NOL4: variants seen among roughly 807,000 people sequenced by gnomAD.
The protein encoded by NOL4 is cancer/testis antigen 125.
NOL4 carries 17 observed loss-of-function variants against 75.9 expected under a neutral mutation model. The ratio of observed to expected loss-of-function variants is 0.22; its 90% confidence interval spans 0.15 to 0.34. The LOEUF (loss-of-function observed/expected upper bound fraction) is 0.34. NOL4 is among the 10% of genes least tolerant of loss of function. The probability of loss-of-function intolerance (pLI) is 1.00; values close to 1 mark genes in which losing one functional copy is unlikely to be tolerated. For missense variants in NOL4, 614 were observed against 793.5 expected (o/e 0.77, Z 2.72); for synonymous variants, 292 against 289.9 (o/e 1.01, Z -0.07).
chr18:33,893,041 G>A (rs977389557), intron 9 of NOL4, among the ~76,000 whole-genome samples: 8 of 151,876 alleles, frequency 5.3e-5, no homozygotes, highest in African/African-American at 1.9e-4. Flanking sequence ...AATTGAATCA[G>A]TGAATGACCA....
At chr18:34,215,291 T>C (rs2036806284) in intron 1 of NOL4, among the ~76,000 whole-genome samples, 1 of 152,242 alleles carries the variant, frequency 6.6e-6, no homozygotes, top group Non-Finnish European at 1.5e-5. Flanking sequence ...TGTCCCATTA[T>C]GTCATGTCAG....
intron 1 of NOL4, among the ~76,000 whole-genome samples, chr18:34,143,498 AT>A (rs1007569748): frequency 6.6e-6 from 1 of 152,042 alleles, no homozygotes; most frequent in Non-Finnish European, 1.5e-5. Flanking sequence ...TTTTCTCAAT[AT>A]TTTTTTGTAA....
chr18:34,034,763 A>G (rs1232610805), intron 5 of NOL4, among the ~76,000 whole-genome samples: 3 of 151,414 alleles, frequency 2.0e-5, no homozygotes, highest in Admixed American at 1.3e-4. Context: ...AAAAAGCAAC[A>G]ATAAACAATC....
chr18:33,925,494 GAC>G, intron 9 of NOL4, among the ~76,000 whole-genome samples: 1 of 152,244 alleles, frequency 6.6e-6, no homozygotes, highest in East Asian at 1.9e-4. Context: ...AAAAAATCCT[GAC>G]AGATTCATTG....
At chr18:34,127,395 G>A (rs971724483) in intron 2 of NOL4, among the ~76,000 whole-genome samples, 1 of 151,790 alleles carries the variant, frequency 6.6e-6, no homozygotes, top group Non-Finnish European at 1.5e-5. Flanking sequence ...TGGTTTCTTG[G>A]CCATGTAGGA....
intron 2 of NOL4, among the ~76,000 whole-genome samples, chr18:34,119,987 G>A (rs2080062722): frequency 6.6e-6 from 1 of 152,112 alleles, no homozygotes; most frequent in South Asian, 2.1e-4. Flanking sequence ...TTGAATTCTA[G>A]ATAAACATAC....
At chr18:34,128,770 C>T (rs1465088574) in intron 2 of NOL4, 2 of 443,632 alleles carry the variant, frequency 4.5e-6, no homozygotes, top group South Asian at 1.9e-4. Context: ...TTCAATATGA[C>T]CCTGGAAATA....
At chr18:33,943,754 C>T (rs1177492850) in intron 8 of NOL4, among the ~76,000 whole-genome samples, 2 of 151,702 alleles carry the variant, frequency 1.3e-5, no homozygotes, top group Admixed American at 6.6e-5. Context: ...AGGTTTAGTG[C>T]TTTAGATGTG....
chr18:34,086,229 G>A (rs185296582), intron 5 of NOL4, among the ~76,000 whole-genome samples: 1 of 152,050 alleles, frequency 6.6e-6, no homozygotes, highest in African/African-American at 2.4e-5. Flanking sequence ...AAAAGTGAGA[G>A]TAAAAACACT....
At chr18:34,185,571 C>T (rs2034396838) in intron 1 of NOL4, among the ~76,000 whole-genome samples, 1 of 152,048 alleles carries the variant, frequency 6.6e-6, no homozygotes, top group Non-Finnish European at 1.5e-5. Context: ...TGTACAATTT[C>T]ACAAAGGGGA....
intron 1 of NOL4, among the ~76,000 whole-genome samples, chr18:34,140,901 C>A (rs2081123394): frequency 6.6e-6 from 1 of 152,002 alleles, no homozygotes; most frequent in South Asian, 2.1e-4. Flanking sequence ...TCAGCATTTG[C>A]TTGTCTAACA....
chr18:33,877,437 T>TAAAAAA (rs35251455), intron 10 of NOL4, among the ~76,000 whole-genome samples: 2 of 106,240 alleles, frequency 1.9e-5, no homozygotes, highest in Non-Finnish European at 3.8e-5. Flanking sequence ...GACCTTGCCT[T>TAAAAAA]AAAAAAAAAA....
intron 1 of NOL4, among the ~76,000 whole-genome samples, chr18:34,147,742 G>A (rs1196135659): frequency 1.3e-5 from 2 of 152,176 alleles, no homozygotes; most frequent in East Asian, 3.9e-4. Context: ...AAATGAGTTA[G>A]GGAAGATTTC....
intron 1 of NOL4, among the ~76,000 whole-genome samples, chr18:34,182,447 G>C (rs2034118641): frequency 6.6e-6 from 1 of 151,504 alleles, no homozygotes; most frequent in Non-Finnish European, 1.5e-5. Flanking sequence ...ATTTTTTTCT[G>C]GAATGAAGAA....
intron 9 of NOL4, among the ~76,000 whole-genome samples, chr18:33,929,020 T>A (rs866929350): frequency 7.9e-5 from 12 of 151,564 alleles, no homozygotes; most frequent in African/African-American, 2.7e-4. Context: ...GAGAGGTGAA[T>A]GGGAAAGTGA....
At position 33,999,224 on chromosome 18, in the gene NOL4, T is replaced by C. The variant is rs528929496; in HGVS notation, c.1056+20094A>G. On this transcript the variant is annotated intron_variant, in intron 6 of 10. Transcript: ENST00000261592. ...GCACAATCATAGTTTATTGGCTGTG[T>C]GCTCTAACTCCTGGGCTGGCTTAAT... is the stretch of plus-strand genomic sequence containing the variant. 2.0e-5 allele frequency among the ~76,000 whole-genome samples: 3 copies of C among 151,440 alleles called. No individual in the cohort carries two copies. In the South Asian group the frequency reaches 6.3e-4, roughly 32 times the overall value.
intron 5 of NOL4, among the ~76,000 whole-genome samples, chr18:34,061,463 AT>A (rs932930873): frequency 6.6e-6 from 1 of 152,136 alleles, no homozygotes; most frequent in African/African-American, 2.4e-5. Context: ...CTTCAGAAAA[AT>A]ATCATGTACA....
chr18:33,910,140 C>A (rs186034886), intron 9 of NOL4, among the ~76,000 whole-genome samples: 231 of 152,290 alleles, frequency 1.5e-3, no homozygotes, highest in Non-Finnish European at 2.6e-3. Context: ...AATTGTGCCA[C>A]GTAGTATTCA....
chr18:34,148,616 T>C (rs1280793691), intron 1 of NOL4, among the ~76,000 whole-genome samples: 4 of 151,834 alleles, frequency 2.6e-5, no homozygotes, highest in African/African-American at 7.2e-5. Flanking sequence ...CATTTGCTGA[T>C]GAGTGTTTTA....
Sources: allele counts gnomAD v4.1 joint callset (sites outside exome capture counted in the v4.1 genomes callset), GRCh38; gene constraint gnomAD v4.1.1; transcripts MANE v1.5; gene names NCBI Gene and HGNC (gene_info 2026-07-23, HGNC 2026-07-21).